The following ARHGAP24 variants were observed in gnomAD, a reference collection of about 807,000 sequenced individuals.
The protein encoded by ARHGAP24 is Rho GTPase activating protein 24, also known as rho GTPase-activating protein 24.
ARHGAP24 carries 50 observed loss-of-function variants against 76.4 expected under a neutral mutation model. That is an observed-to-expected ratio of 0.65 (90% confidence interval 0.52 to 0.83). The LOEUF is 0.83. Among genes scored for constraint, ARHGAP24 ranks in the 40% least tolerant of loss-of-function variants. The probability of loss-of-function intolerance (pLI) is 0.00; values close to 1 mark genes in which losing one functional copy is unlikely to be tolerated. For missense variants in ARHGAP24, 930 were observed against 914.2 expected (o/e 1.02, Z -0.22); for synonymous variants, 345 against 323.3 (o/e 1.07, Z -0.72).
intron 2 of ARHGAP24, among the ~76,000 whole-genome samples, chr4:85,676,404 T>G (rs1174361439): frequency 2.4e-4 from 36 of 152,174 alleles, no homozygotes; most frequent in Admixed American, 2.4e-3. Flanking sequence ...CAAACTCTGA[T>G]TTTTTTCATT....
chr4:85,580,153 GGAGAGA>G (rs140863021), intron 2 of ARHGAP24, among the ~76,000 whole-genome samples: 3 of 148,160 alleles, frequency 2.0e-5, no homozygotes, highest in East Asian at 2.0e-4. Context: ...GGAGGGTGAT[GGAGAGA>G]GAGAGAGAGA....
chr4:85,838,313 AAT>A (rs1242388370), intron 3 of ARHGAP24, among the ~76,000 whole-genome samples: 2 of 152,124 alleles, frequency 1.3e-5, no homozygotes, highest in African/African-American at 2.4e-5. Context: ...AAAAGGCCAA[AAT>A]AGCCGGGCAC....
chr4:85,700,228 C>T (rs935180416), intron 2 of ARHGAP24, among the ~76,000 whole-genome samples: 1 of 151,842 alleles, frequency 6.6e-6, no homozygotes, highest in Non-Finnish European at 1.5e-5. Flanking sequence ...AACCCCATCT[C>T]TACTAAAAAT....
intron 2 of ARHGAP24, among the ~76,000 whole-genome samples, chr4:85,574,783 T>G (rs188484135): frequency 3.1e-4 from 47 of 152,348 alleles, no homozygotes; most frequent in African/African-American, 1.1e-3. Flanking sequence ...TTTATTGCTA[T>G]GAGAACACAC....
chr4:85,965,321 G>A (rs1050953837), intron 5 of ARHGAP24, among the ~76,000 whole-genome samples: 28 of 152,032 alleles, frequency 1.8e-4, no homozygotes, highest in African/African-American at 4.8e-4. Flanking sequence ...AACAGCACAG[G>A]AAAGACCAGC....
intron 2 of ARHGAP24, among the ~76,000 whole-genome samples, chr4:85,663,851 G>A (rs1245923882): frequency 2.0e-5 from 3 of 151,246 alleles, no homozygotes; most frequent in Non-Finnish European, 4.4e-5. Context: ...AACCAGCCTT[G>A]CATCCCAGGG....
intron 1 of ARHGAP24, among the ~76,000 whole-genome samples, chr4:85,488,369 A>G (rs1461554938): frequency 6.6e-6 from 1 of 152,160 alleles, no homozygotes; most frequent in Admixed American, 6.5e-5. Context: ...AATATAAATA[A>G]AAAGTCTTTT....
At chr4:85,481,381 A>G (rs1452369810) in intron 1 of ARHGAP24, among the ~76,000 whole-genome samples, 1 of 152,158 alleles carries the variant, frequency 6.6e-6, no homozygotes, top group Non-Finnish European at 1.5e-5. Flanking sequence ...CAAATAATAA[A>G]CTGTGTATTT....
intron 2 of ARHGAP24, among the ~76,000 whole-genome samples, chr4:85,583,991 G>A (rs1244983273): frequency 6.7e-6 from 1 of 148,888 alleles, no homozygotes; most frequent in African/African-American, 2.6e-5. Context: ...GACACTGTTG[G>A]TGGGACCGTA....
chr4:85,685,506 G>A (rs564108440), intron 2 of ARHGAP24, among the ~76,000 whole-genome samples: 13 of 152,168 alleles, frequency 8.5e-5, no homozygotes, highest in South Asian at 4.2e-4. Context: ...AGTGGCAGGC[G>A]CCTGTAGTCC....
chr4:85,671,140 T>C (rs1187402693), intron 2 of ARHGAP24, among the ~76,000 whole-genome samples: 3 of 152,200 alleles, frequency 2.0e-5, no homozygotes, highest in Non-Finnish European at 2.9e-5. Context: ...TCATCGATAC[T>C]GAACTCTGTT....
At chr4:85,881,670 C>T (rs765002290) in intron 3 of ARHGAP24, among the ~76,000 whole-genome samples, 7 of 152,010 alleles carry the variant, frequency 4.6e-5, no homozygotes, top group Admixed American at 1.3e-4. Flanking sequence ...AGCTGGATGT[C>T]CTAAGCACGC....
chr4:85,779,118 C>T (rs1281044877), intron 3 of ARHGAP24, among the ~76,000 whole-genome samples: 2 of 151,926 alleles, frequency 1.3e-5, no homozygotes, highest in East Asian at 3.9e-4. Context: ...GTATTATTTT[C>T]TGGCTGTTGA....
intron 3 of ARHGAP24, among the ~76,000 whole-genome samples, chr4:85,845,236 C>T (rs1193523657): frequency 6.6e-6 from 1 of 152,118 alleles, no homozygotes; most frequent in Non-Finnish European, 1.5e-5. Flanking sequence ...TATGATTTTA[C>T]CCAACCTGTG....
intron 8 of ARHGAP24, among the ~76,000 whole-genome samples, chr4:85,984,549 A>G (rs1347736975): frequency 1.3e-5 from 2 of 152,120 alleles, no homozygotes; most frequent in African/African-American, 4.8e-5. Context: ...ATACCATCAC[A>G]CTGGGGGTTA....
At chr4:85,896,476 C>T (rs1560702888) in intron 3 of ARHGAP24, among the ~76,000 whole-genome samples, 1 of 152,112 alleles carries the variant, frequency 6.6e-6, no homozygotes, top group South Asian at 2.1e-4. Flanking sequence ...CTTATAGTGT[C>T]GTAGAATTTC....
chr4:85,959,761 A>G (rs556108957), intron 5 of ARHGAP24, among the ~76,000 whole-genome samples: 40 of 152,262 alleles, frequency 2.6e-4, no homozygotes, highest in African/African-American at 9.6e-4. Flanking sequence ...CATTTGAGGA[A>G]CTGTTAAACT....
At chr4:85,564,826 A>G (rs994402170) in intron 1 of ARHGAP24, among the ~76,000 whole-genome samples, 1 of 146,156 alleles carries the variant, frequency 6.8e-6, no homozygotes, top group African/African-American at 2.6e-5. Context: ...CCTACAGCTC[A>G]CCTCCTGCTG....
intron 4 of ARHGAP24, chr4:85,930,160 G>GA (rs1736246024): frequency 3.7e-6 from 3 of 809,544 alleles, no homozygotes; most frequent in South Asian, 1.1e-4. Context: ...GAGAAAAGGG[G>GA]AGACGGAGCA....
Sources: allele counts gnomAD v4.1 joint callset (sites outside exome capture counted in the v4.1 genomes callset), GRCh38; gene constraint gnomAD v4.1.1; transcripts MANE v1.5; gene names NCBI Gene and HGNC (gene_info 2026-07-23, HGNC 2026-07-21).